The following IL1RAPL2 variants were observed in gnomAD, a reference collection of about 807,000 sequenced individuals.
IL1RAPL2 encodes X-linked interleukin-1 receptor accessory protein-like 2.
In IL1RAPL2, 3 loss-of-function variants were observed where a neutral mutation model predicts 44.1. The observed-to-expected ratio is 0.07, with a 90% CI of 0.03 to 0.18. The LOEUF is 0.18. IL1RAPL2 is among the 10% of genes least tolerant of loss of function. The pLI, the probability that IL1RAPL2 is intolerant of heterozygous loss-of-function variation, is 1.00. For synonymous variants in IL1RAPL2, 181 were observed against 178.8 expected, an observed-to-expected ratio of 1.01 and a Z score of -0.10; for missense variants, 391 against 496.4, an observed-to-expected ratio of 0.79 and a Z score of 2.02.
chrX:104,674,333 T>C (rs1432221681), intron 2 of IL1RAPL2, among the ~76,000 whole-genome samples: 1 of 111,909 alleles, frequency 8.9e-6, no homozygotes, highest in Non-Finnish European at 1.9e-5. Context: ...TGTCAAAGGC[T>C]TTTTCTGCAT....
chrX:105,436,156 C>T (rs1008924065), intron 5 of IL1RAPL2, among the ~76,000 whole-genome samples: 27 of 111,243 alleles, frequency 2.4e-4, no homozygotes, highest in African/African-American at 8.8e-4. Flanking sequence ...CAAAAAGTTA[C>T]ATACTTTATT....
chrX:104,576,376 T>G (rs1928244145), intron 1 of IL1RAPL2, among the ~76,000 whole-genome samples: 1 of 112,058 alleles, frequency 8.9e-6, no homozygotes, highest in African/African-American at 3.2e-5. Flanking sequence ...GATATGTTAC[T>G]TCTATAATCA....
chrX:105,285,587 C>G (rs946972091), intron 5 of IL1RAPL2, among the ~76,000 whole-genome samples: 3 of 111,260 alleles, frequency 2.7e-5, no homozygotes, highest in Admixed American at 1.9e-4. Context: ...GTAGCAGAAG[C>G]CTGGAGAGAT....
chrX:105,638,324 G>T (rs1436761127), intron 6 of IL1RAPL2, among the ~76,000 whole-genome samples: 1 of 110,011 alleles, frequency 9.1e-6, no homozygotes, highest in Non-Finnish European at 1.9e-5. Context: ...TGTTTGGGCA[G>T]ATGGGTTGTT....
chrX:105,586,440 G>A (rs909731565), intron 6 of IL1RAPL2, among the ~76,000 whole-genome samples: 1 of 111,865 alleles, frequency 8.9e-6, no homozygotes, highest in African/African-American at 3.2e-5. Context: ...AGACAGTATG[G>A]GGATTCCTCA....
intron 2 of IL1RAPL2, among the ~76,000 whole-genome samples, chrX:104,855,590 G>A (rs1160989521): frequency 1.8e-5 from 2 of 108,641 alleles, no homozygotes; most frequent in African/African-American, 6.7e-5. Context: ...CACAGGTTTT[G>A]AAATCAGTCT....
intron 5 of IL1RAPL2, among the ~76,000 whole-genome samples, chrX:105,270,475 G>A (rs1388726546): frequency 8.9e-6 from 1 of 111,849 alleles, no homozygotes; most frequent in African/African-American, 3.2e-5. Context: ...AATATTTACT[G>A]AGTACATGTT....
intron 6 of IL1RAPL2, among the ~76,000 whole-genome samples, chrX:105,713,952 C>T (rs1323168108): frequency 1.8e-5 from 2 of 111,202 alleles, no homozygotes; most frequent in Non-Finnish European, 3.8e-5. Flanking sequence ...GCTCTCATAT[C>T]TCCCTATATA....
At chrX:105,524,085 C>T (rs1308886955) in intron 6 of IL1RAPL2, among the ~76,000 whole-genome samples, 4 of 111,507 alleles carry the variant, frequency 3.6e-5, no homozygotes, top group Non-Finnish European at 7.6e-5. Context: ...GAGATATCCT[C>T]TAGGTAGAAG....
intron 5 of IL1RAPL2, among the ~76,000 whole-genome samples, chrX:105,339,449 A>C (rs1156341207): frequency 1.8e-5 from 2 of 112,127 alleles, no homozygotes; most frequent in African/African-American, 6.5e-5. Context: ...AAGAAACTAA[A>C]GACAGGGAGA....
intron 2 of IL1RAPL2, among the ~76,000 whole-genome samples, chrX:104,660,930 C>CTATA (rs59232548): frequency 3.6e-4 from 32 of 88,238 alleles, no homozygotes; most frequent in South Asian, 2.7e-3. Context: ...CAGACCCTGT[C>CTATA]TATATATATA....
At chrX:105,457,769 C>T (rs1366218188) in intron 5 of IL1RAPL2, among the ~76,000 whole-genome samples, 6 of 109,548 alleles carry the variant, frequency 5.5e-5, no homozygotes, top group Non-Finnish European at 1.1e-4. Context: ...GTAAATAATG[C>T]TGCTATAGAC....
chrX:105,222,321 T>A (rs1032208558), intron 3 of IL1RAPL2, among the ~76,000 whole-genome samples: 1 of 112,554 alleles, frequency 8.9e-6, no homozygotes, highest in Non-Finnish European at 1.9e-5. Context: ...AAGGGTCCTA[T>A]GTCAGATAAT....
chrX:105,262,282 A>G (rs2034365941), intron 4 of IL1RAPL2, among the ~76,000 whole-genome samples: 1 of 111,791 alleles, frequency 8.9e-6, no homozygotes. Context: ...CAGACTAGAA[A>G]CCAGAAGTTA....
At chrX:104,685,151 T>C (rs912863402) in intron 2 of IL1RAPL2, among the ~76,000 whole-genome samples, 1 of 112,062 alleles carries the variant, frequency 8.9e-6, no homozygotes, top group Non-Finnish European at 1.9e-5. Flanking sequence ...GTTTGCCAGA[T>C]GCATGCAAGA....
intron 2 of IL1RAPL2, among the ~76,000 whole-genome samples, chrX:104,909,152 T>C (rs1031559911): frequency 2.7e-4 from 30 of 112,344 alleles, no homozygotes; most frequent in African/African-American, 9.1e-4. Flanking sequence ...CTGAGGCTTC[T>C]GCATTATTCT....
At chrX:104,778,480 A>G (rs1018717708) in intron 2 of IL1RAPL2, among the ~76,000 whole-genome samples, 1 of 108,133 alleles carries the variant, frequency 9.2e-6, no homozygotes, top group Non-Finnish European at 1.9e-5. Flanking sequence ...GGATCGCTTG[A>G]GTCTGGGATG....
intron 5 of IL1RAPL2, among the ~76,000 whole-genome samples, chrX:105,381,895 C>T (rs1167947595): frequency 2.7e-5 from 3 of 111,087 alleles, no homozygotes; most frequent in Non-Finnish European, 3.8e-5. Context: ...ATAAATGGTG[C>T]TGGGAAAACT....
At chrX:105,219,774 C>A (rs2033929255) in intron 3 of IL1RAPL2, 1 of 1,191,306 alleles carries the variant, frequency 8.4e-7, no homozygotes, top group Non-Finnish European at 1.1e-6. Context: ...GAGAAGTGGG[C>A]AGGGCTGAGG....
Sources: allele counts gnomAD v4.1 joint callset (sites outside exome capture counted in the v4.1 genomes callset), GRCh38; gene constraint gnomAD v4.1.1; transcripts MANE v1.5; gene names NCBI Gene and HGNC (gene_info 2026-07-23, HGNC 2026-07-21).